PRKCH: variants seen among roughly 807,000 people sequenced by gnomAD.
The protein encoded by PRKCH is protein kinase C eta type.
Under a neutral mutation model 82.5 loss-of-function variants are expected in PRKCH, and 28 were observed. The observed-to-expected ratio is 0.34, with a 90% CI of 0.25 to 0.47. The LOEUF is 0.47. PRKCH is among the 20% of genes least tolerant of loss of function. The probability of loss-of-function intolerance (pLI) is 1.00; values close to 1 mark genes in which losing one functional copy is unlikely to be tolerated. For missense variants in PRKCH, 705 were observed against 881.8 expected (o/e 0.80, Z 2.54); for synonymous variants, 322 against 327.4 (o/e 0.98, Z 0.18).
intron 4 of PRKCH, among the ~76,000 whole-genome samples, chr14:61,448,656 G>A (rs963414363): frequency 5.3e-5 from 8 of 152,134 alleles, no homozygotes; most frequent in African/African-American, 1.9e-4. Flanking sequence ...TTGGTTAGTT[G>A]ATAGGCAAAA....
At chr14:61,465,514 G>A (rs1885216125) in intron 9 of PRKCH, among the ~76,000 whole-genome samples, 1 of 152,154 alleles carries the variant, frequency 6.6e-6, no homozygotes, top group Admixed American at 6.5e-5. Context: ...TGGGATCTTT[G>A]TTGATAATTA....
At chr14:61,294,965 C>T (rs1443864410) in intron 1 of PRKCH, among the ~76,000 whole-genome samples, 6 of 152,164 alleles carry the variant, frequency 3.9e-5, no homozygotes, top group African/African-American at 1.2e-4. Context: ...CTGCACCTCC[C>T]GGGTTCAAGC....
chr14:61,390,035 C>G (rs954451730), intron 1 of PRKCH, among the ~76,000 whole-genome samples: 1 of 152,084 alleles, frequency 6.6e-6, no homozygotes, highest in African/African-American at 2.4e-5. Flanking sequence ...AAAAATGGAG[C>G]CATGGGCAGA....
intron 5 of PRKCH, 65 bp downstream of exon 5, chr14:61,449,317 T>G: frequency 7.3e-7 from 1 of 1,376,586 alleles, no homozygotes; most frequent in Non-Finnish European, 1.0e-6. Context: ...TACCGCCGTC[T>G]CTCTCCCTCC....
chr14:61,190,868 ATTTAC>A (rs1054761361), intron 1 of PRKCH, among the ~76,000 whole-genome samples: 1 of 152,096 alleles, frequency 6.6e-6, no homozygotes, highest in African/African-American at 2.4e-5. Context: ...GTTACTTGCT[ATTTAC>A]TTTACCTTAT....
intron 1 of PRKCH, among the ~76,000 whole-genome samples, chr14:61,349,170 C>T (rs2046038064): frequency 6.6e-6 from 1 of 152,140 alleles, no homozygotes; most frequent in Admixed American, 6.6e-5. Context: ...TGCTTTGCCC[C>T]TCACATAGTA....
At chr14:61,248,053 G>A (rs896869497) in intron 1 of PRKCH, among the ~76,000 whole-genome samples, 1 of 152,198 alleles carries the variant, frequency 6.6e-6, no homozygotes, top group African/African-American at 2.4e-5. Flanking sequence ...TGGTCTGGGA[G>A]TGTGTTTCTA....
intron 1 of PRKCH, among the ~76,000 whole-genome samples, chr14:61,338,171 T>A (rs2045882757): frequency 6.6e-6 from 1 of 152,148 alleles, no homozygotes; most frequent in African/African-American, 2.4e-5. Context: ...TGCATGAACA[T>A]TAGGGACCCC....
intron 2 of PRKCH, among the ~76,000 whole-genome samples, chr14:61,418,638 T>G (rs1351954789): frequency 6.6e-6 from 1 of 152,182 alleles, no homozygotes; most frequent in Admixed American, 6.5e-5. Context: ...AGTTTTTATT[T>G]CCCTGACCTT....
intron 1 of PRKCH, among the ~76,000 whole-genome samples, chr14:61,312,229 T>C (rs111550136): frequency 0.02 from 3,008 of 152,344 alleles, 57 homozygotes; most frequent in Middle Eastern, 0.054. Flanking sequence ...ATTTCTGTGT[T>C]CAAAACAAAT....
rs184979466 is a variant in PRKCH, at chr14:61,428,180, G to C, written c.428-14931G>C. Among the ~76,000 whole-genome samples the C allele has an allele frequency of 6.0e-5, 9 of 150,508 alleles. No homozygotes were observed. In the East Asian group the frequency reaches 1.8e-3, roughly 30 times the overall value. ...AGAGTCAGGTTGAGTTGGTATTTTT[G>C]TAGAGACAGGGTTTCACCATGTTAC... On this transcript the variant is annotated intron_variant, in intron 2 of 13. Transcript: ENST00000332981.
chr14:61,322,506 C>G (rs754418504), intron 1 of PRKCH, 42 bp downstream of exon 1: 2 of 1,558,952 alleles, frequency 1.3e-6, no homozygotes, highest in Admixed American at 1.8e-5. Flanking sequence ...CACCCAACCC[C>G]CGTTCCCCTT....
At chr14:61,335,409 A>G (rs922989972) in intron 1 of PRKCH, among the ~76,000 whole-genome samples, 17 of 152,320 alleles carry the variant, frequency 1.1e-4, no homozygotes, top group African/African-American at 3.4e-4. Context: ...GAAAGTTTCA[A>G]TAATTTAGAT....
At chr14:61,415,251 C>T (rs909577269) in intron 2 of PRKCH, among the ~76,000 whole-genome samples, 2 of 152,224 alleles carry the variant, frequency 1.3e-5, no homozygotes, top group African/African-American at 4.8e-5. Flanking sequence ...TGTACCTGTG[C>T]ACCTCTCCCT....
chr14:61,247,453 T>C (rs750989799), intron 1 of PRKCH, among the ~76,000 whole-genome samples: 9 of 151,944 alleles, frequency 5.9e-5, no homozygotes, highest in Non-Finnish European at 1.3e-4. Flanking sequence ...AATTGAAAGT[T>C]GGCCAGGCAT....
At position 61,431,956 on chromosome 14, in the gene PRKCH, G is replaced by A. The variant is rs556863145; in HGVS notation, c.428-11155G>A. 7.1e-4 allele frequency among the ~76,000 whole-genome samples: 108 copies of A among 152,200 alleles called. 1 individual carries two copies. Among genetic ancestry groups the A allele is most frequent in the Admixed American group, 6.5e-4 (10 of 15,302 alleles). ...TAGGTTTGTGCTTTATAAACAACAG[G>A]TGGTTAGATTTCCTATTTCTAGAAG... On this transcript the variant is annotated intron_variant, in intron 2 of 13. Transcript: ENST00000332981.
In PRKCH at chr14:61,375,600, C is replaced by CAG. The variant is rs374616162; in HGVS notation, c.364-15612_364-15611dup. On this transcript the variant is annotated intron_variant, in intron 1 of 13. Transcript: ENST00000332981. ...GCAAGCACGTCTTATCATGGCAGAG[C>CAG]AGAGAGAGAGAGAGTGAAGGGGGAA... 6.0e-5 allele frequency among the ~76,000 whole-genome samples: 9 copies of CAG among 150,776 alleles called. No homozygotes were observed. In the East Asian group the frequency reaches 1.2e-3, roughly 19 times the overall value.
At chr14:61,193,541 C>A (rs1038629870) in intron 1 of PRKCH, among the ~76,000 whole-genome samples, 1 of 151,402 alleles carries the variant, frequency 6.6e-6, no homozygotes, top group African/African-American at 2.4e-5. Context: ...AAAAAAAAAA[C>A]AGAAATCATC....
Position 61,547,730 on chromosome 14 carries a change from C to G in PRKCH, c.1762-13C>G. 2 of 1,608,076 alleles carry G rather than the reference C, an allele frequency of 1.2e-6. No homozygotes were observed. Reference sequence around the variant, plus strand: ...TGAATGAATGATTGACACTTTCTCTCTCTCTCACTCAGTTCATGACCAAGA... The same window carrying G: ...TGAATGAATGATTGACACTTTCTCTGTCTCTCACTCAGTTCATGACCAAGA... On this transcript the variant is annotated splice_polypyrimidine_tract_variant and intron_variant, in intron 12 of 13. Coordinates refer to ENST00000332981, the MANE Select transcript of PRKCH (RefSeq NM_006255.5).
Sources: gnomAD v4.1 joint callset for allele counts (sites outside exome capture counted in the v4.1 genomes callset) on GRCh38, gnomAD v4.1.1 for gene constraint, MANE v1.5 for transcripts, NCBI Gene and HGNC (gene_info 2026-07-23, HGNC 2026-07-21) for gene names.